The following ACADL variants were observed in gnomAD, a reference collection of about 807,000 sequenced individuals.
The protein encoded by ACADL is long-chain specific acyl-CoA dehydrogenase, mitochondrial.
A neutral mutation model predicts 56.9 loss-of-function variants in ACADL; 60 were observed. That is an observed-to-expected ratio of 1.05 (90% CI 0.86 to 1.31). The LOEUF (loss-of-function observed/expected upper bound fraction) is 1.31. Ranked by LOEUF, ACADL falls within the 50% of genes most tolerant of loss-of-function variation. The pLI is 0.00. For missense variants in ACADL, 484 were observed against 525.5 expected (o/e 0.92, Z 0.77); for synonymous variants, 158 against 179.7 (o/e 0.88, Z 0.97).
intron 4 of ACADL, among the ~76,000 whole-genome samples, chr2:210,212,491 T>C (rs914817118): frequency 2.6e-5 from 4 of 151,792 alleles, no homozygotes; most frequent in African/African-American, 9.7e-5. Flanking sequence ...CTGTAGAAAG[T>C]GTGGCCCTCC....
At chr2:210,192,200 T>A (rs1688645168) in intron 10 of ACADL, among the ~76,000 whole-genome samples, 1 of 151,148 alleles carries the variant, frequency 6.6e-6, no homozygotes, top group Non-Finnish European at 1.5e-5. Flanking sequence ...AAAAAAGTAG[T>A]ATTTGGCCGG....
chr2:210,204,907 C>T (rs1688858989), intron 6 of ACADL, among the ~76,000 whole-genome samples: 1 of 152,208 alleles, frequency 6.6e-6, no homozygotes, highest in East Asian at 1.9e-4. Flanking sequence ...CACTATCATT[C>T]CAGCTCTAAT....
intron 4 of ACADL, among the ~76,000 whole-genome samples, chr2:210,214,601 G>C (rs1689052690): frequency 6.6e-6 from 1 of 152,082 alleles, no homozygotes; most frequent in Admixed American, 6.5e-5. Context: ...CACAGATAAG[G>C]CCAGAGACTT....
At chr2:210,204,272 A>G (rs986657631) in intron 7 of ACADL, among the ~76,000 whole-genome samples, 3 of 152,228 alleles carry the variant, frequency 2.0e-5, no homozygotes, top group African/African-American at 7.2e-5. Flanking sequence ...ATTTCCTTAC[A>G]AAGAGCTAAA....
At chr2:210,222,924 G>T (rs1689201961) in intron 1 of ACADL, among the ~76,000 whole-genome samples, 1 of 152,074 alleles carries the variant, frequency 6.6e-6, no homozygotes, top group Non-Finnish European at 1.5e-5. Flanking sequence ...TGTCCATATA[G>T]ATTTTCCATA....
chr2:210,189,000 C>T lies in ACADL; in HGVS notation c.1254G>A (p.Met418Ile). 2 of 1,613,456 alleles carry T rather than the reference C, an allele frequency of 1.2e-6. No individual in the cohort carries two copies. The highest frequency in any genetic ancestry group is 1.7e-6 in the Non-Finnish European group (2 of 1,179,566). The change falls in exon 11 of 11, where the codon ATG becomes ATA. Residue 418 changes from methionine to isoleucine, a missense_variant. Transcript: ENST00000233710. Reference protein sequence around the residue: ...QPIYGGTNEIMKELIAREIVF... With the variant: ...QPIYGGTNEIIKELIAREIVF... ...CAATCTCTCTTGCAATCAGCTCCTT[C>T]ATTATTTCATTTGTACCACCATAGA...
intron 2 of ACADL, among the ~76,000 whole-genome samples, chr2:210,219,376 A>G (rs1308556119): frequency 6.6e-6 from 1 of 152,184 alleles, no homozygotes; most frequent in Non-Finnish European, 1.5e-5. Context: ...AGGCAGGAGG[A>G]TCGCTTGAGC....
intron 10 of ACADL, among the ~76,000 whole-genome samples, chr2:210,189,824 TAGAG>T (rs1210666069): frequency 6.6e-6 from 1 of 152,170 alleles, no homozygotes; most frequent in Non-Finnish European, 1.5e-5. Flanking sequence ...GGAACTAAAG[TAGAG>T]AGAAGTTAAT....
chr2:210,216,172 A>G lies in ACADL; in HGVS notation c.536+175T>C, dbSNP rs549559765. 7.2e-5 allele frequency among the ~76,000 whole-genome samples: 11 copies of G among 152,314 alleles called. No homozygotes were observed. The South Asian group carries it at 2.3e-3, about 32-fold the overall frequency. The stretch of plus-strand genomic sequence containing the variant: ...ATAAAACTATGTTAATATCTCAAAC[A>G]TAGCTTACATTATAATCCGCTTTAT... On this transcript the variant is annotated intron_variant, in intron 4 of 10. Coordinates refer to ENST00000233710, the MANE Select transcript of ACADL (RefSeq NM_001608.4).
chr2:210,198,678 G>C (rs999441518), intron 8 of ACADL, among the ~76,000 whole-genome samples: 7 of 152,018 alleles, frequency 4.6e-5, no homozygotes, highest in Non-Finnish European at 5.9e-5. Context: ...TTTGGGGCAA[G>C]TTACTTAACC....
intron 5 of ACADL, among the ~76,000 whole-genome samples, chr2:210,206,921 T>C (rs923968044): frequency 1.3e-5 from 2 of 152,158 alleles, no homozygotes; most frequent in Non-Finnish European, 2.9e-5. Flanking sequence ...AATAAGTACT[T>C]GCTTCTGGAT....
chr2:210,195,452 G>A, intron 8 of ACADL, 114 bp from the exon 9 acceptor site: 18 of 1,171,524 alleles, frequency 1.5e-5, no homozygotes, highest in Non-Finnish European at 2.1e-5. Flanking sequence ...AACAAAAGTG[G>A]AATTGTTGGT....
chr2:210,192,253 A>T (rs1425552580), intron 10 of ACADL, among the ~76,000 whole-genome samples: 1 of 151,360 alleles, frequency 6.6e-6, no homozygotes, highest in African/African-American at 2.4e-5. Context: ...TTGGGATGCC[A>T]AGGCAGGCAG....
rs372809258 is a variant in ACADL at position 210,188,903 on chromosome 2, C to T, written c.*58G>A. 10 of 1,234,546 alleles carry T rather than the reference C, an allele frequency of 8.1e-6. No homozygotes were observed. The highest frequency in any genetic ancestry group is 1.2e-5 in the Non-Finnish European group (10 of 834,426). The allele number at this position is 1,234,546 out of a possible 1,614,324, so 76.5% of individuals were successfully genotyped here. ...CCTCGCTTTCCAAGTTACATTTTAT[C>T]TTGAGCAGATTTAAAACGAGATTAG... On this transcript the variant is annotated 3_prime_UTR_variant, in exon 11 of 11. Coordinates refer to ENST00000233710, the MANE Select transcript of ACADL (RefSeq NM_001608.4).
Position 210,205,655 on chromosome 2 carries a change from G to C in ACADL, c.745C>G (p.His249Asp), listed in dbSNP as rs755947708. Residue 249 changes from histidine to aspartate, a missense_variant, in exon 6 of 11, where the codon CAT becomes GAT. Coordinates refer to ENST00000233710, the MANE Select transcript of ACADL (RefSeq NM_001608.4). The part of the protein sequence containing the change: ...MKGFIKGRKL[H>D]KMGLKAQDTA... ...ACCTGGGCTTTTAATCCCATTTTAT[G>C]TAGCTTTCGTCCCTTGATAAATCCT... 1.7e-5 allele frequency: 27 copies of C among 1,613,732 alleles called. No individual in the cohort carries two copies. Among genetic ancestry groups the C allele is most frequent in the Non-Finnish European group, 1.9e-5 (23 of 1,179,914 alleles).
At chr2:210,217,140 A>G (rs1371509977) in intron 3 of ACADL, among the ~76,000 whole-genome samples, 1 of 152,162 alleles carries the variant, frequency 6.6e-6, no homozygotes, top group African/African-American at 2.4e-5. Flanking sequence ...TTTATGTACC[A>G]TAATTTACTT....
chr2:210,210,262 A>C lies in ACADL; in HGVS notation c.537T>G (p.Ser179Arg). ...AIAMTEPGAG[S>R]DLQGIKTNAK... ...CATTTGTTTTTATTCCCTGTAAGTC[A>C]CTGTAATTGAAAGAAAAGATAAAAA... Residue 179 changes from serine to arginine, a missense_variant and splice_region_variant, in exon 5 of 11, where the codon AGT becomes AGG. Transcript: ENST00000233710. 1 of 1,602,852 alleles carries C rather than the reference A, an allele frequency of 6.2e-7. No individual in the cohort carries two copies. The highest frequency in any genetic ancestry group is 8.5e-7 in the Non-Finnish European group (1 of 1,171,028).
chr2:210,205,395 A>C lies in ACADL; in HGVS notation c.768+237T>G, dbSNP rs541440185. On this transcript the variant is annotated intron_variant, in intron 6 of 10. Transcript: ENST00000233710. ...ATAGATGGCTTGTTACCATGCAGTT[A>C]ATTTTGCCATTTCTAAAACAGATAT... Among the ~76,000 whole-genome samples the C allele has an allele frequency of 2.0e-5, 3 of 152,288 alleles. No homozygotes were observed. In the South Asian group the frequency reaches 6.2e-4, roughly 32 times the overall value.
chr2:210,204,762 A>AT, intron 6 of ACADL, 80 bp from the exon 7 acceptor site: 2 of 1,200,182 alleles, frequency 1.7e-6, no homozygotes, highest in Non-Finnish European at 2.5e-6. Context: ...AGTGAATATT[A>AT]TTTTTTCCAA....
Sources: allele counts gnomAD v4.1 joint callset (sites outside exome capture counted in the v4.1 genomes callset), GRCh38; gene constraint gnomAD v4.1.1; transcripts MANE v1.5; gene names NCBI Gene and HGNC (gene_info 2026-07-23, HGNC 2026-07-21).